Variants in KAZN observed in about 807,000 individuals in gnomAD.
The protein encoded by KAZN is kazrin, periplakin interacting protein, also known as kazrin.
A neutral mutation model predicts 87.4 loss-of-function variants in KAZN; 40 were observed. That is an observed-to-expected ratio of 0.46 (90% CI 0.36 to 0.60). KAZN has a LOEUF of 0.60. Among genes scored for constraint, KAZN ranks in the 20% least tolerant of loss-of-function variants. KAZN has a pLI of 0.00. For synonymous variants in KAZN, 466 were observed against 458.3 expected (o/e 1.02, Z -0.22); for missense variants, 898 against 1,073.9 (o/e 0.84, Z 2.29).
chr1:14,569,320 C>CTTTTTTTTTTTTTTTTTT lies in KAZN; in HGVS notation c.250-29660_250-29643dup, dbSNP rs35144232. Among the ~76,000 whole-genome samples the CTTTTTTTTTTTTTTTTTT allele has an allele frequency of 2.9e-4, 27 of 92,322 alleles. 1 individual carries two copies. Among genetic ancestry groups the CTTTTTTTTTTTTTTTTTT allele is most frequent in the African/African-American group, 1.1e-3 (25 of 22,062 alleles). The allele number at this position is 92,322 out of a possible 152,430, so 60.6% of individuals were successfully genotyped here. On this transcript the variant is annotated intron_variant, in intron 2 of 16. Coordinates refer to the KAZN transcript ENST00000636203. ...TCCTCTACCTCCTCTACTTCCTCTGCTTTTTTTTTTTTTTTTTTTTGAGAC... is the reference window on the plus strand; with the variant it reads ...TCCTCTACCTCCTCTACTTCCTCTGCTTTTTTTTTTTTTTTTTTTTTTTTTTTTTTTTTTTTTTGAGAC...
At chr1:14,554,271 A>AC (rs146192531) in intron 2 of KAZN, among the ~76,000 whole-genome samples, 24,112 of 152,134 alleles carry the variant, frequency 0.16, 3,472 homozygotes, top group African/African-American at 0.38. Context: ...ACCTACAGCC[A>AC]CACAAATACA....
At chr1:14,323,444 T>C (rs555541791) in intron 2 of KAZN, among the ~76,000 whole-genome samples, 1 of 152,196 alleles carries the variant, frequency 6.6e-6, no homozygotes, top group South Asian at 2.1e-4. Context: ...CTTAGCAAAG[T>C]TTCATTTAGG....
intron 1 of KAZN, among the ~76,000 whole-genome samples, chr1:14,722,059 G>A (rs1643137137): frequency 6.6e-6 from 1 of 151,986 alleles, no homozygotes; most frequent in South Asian, 2.1e-4. Flanking sequence ...GGAGGCTGAG[G>A]TAGAATTGCT....
rs1231714611 is a variant in KAZN, at chr1:14,996,017, TAA to T, written c.418+35143_418+35144del. On this transcript the variant is annotated intron_variant, in intron 2 of 14. Coordinates refer to ENST00000376030, the MANE Select transcript of KAZN (RefSeq NM_201628.3). This position sits in a 1 kb window ranked among gnomAD's most constrained non-coding sequence, Gnocchi z 5.9. ...GCTGGACCCAAGGGCGGCTGCCCTA[TAA>T]GACACCTAATGCCATCCTCAGCCCG... is the stretch of plus-strand genomic sequence containing the variant. 6.6e-6 allele frequency among the ~76,000 whole-genome samples: 1 copy of T among 152,162 alleles called. No homozygotes were observed. Among genetic ancestry groups the T allele is most frequent in the Admixed American group, 6.5e-5 (1 of 15,278 alleles).
intron 1 of KAZN, among the ~76,000 whole-genome samples, chr1:13,945,588 G>A (rs1363706771): frequency 6.6e-6 from 1 of 151,488 alleles, no homozygotes; most frequent in African/African-American, 2.4e-5. Context: ...GCAATGAATG[G>A]TAAAACTAAC....
At chr1:14,327,927 T>C (rs1656559226) in intron 2 of KAZN, among the ~76,000 whole-genome samples, 1 of 152,220 alleles carries the variant, frequency 6.6e-6, no homozygotes, top group Admixed American at 6.5e-5. Context: ...TATCTGGAAG[T>C]GAATCTTTCA....
chr1:15,022,168 T>A (rs1670734405), intron 2 of KAZN, among the ~76,000 whole-genome samples: 1 of 152,042 alleles, frequency 6.6e-6, no homozygotes, highest in Non-Finnish European at 1.5e-5. Flanking sequence ...GCTCTCCAGA[T>A]GGCCAGGACG....
intron 2 of KAZN, among the ~76,000 whole-genome samples, chr1:14,495,990 C>T (rs572719789): frequency 3.4e-4 from 52 of 152,126 alleles, no homozygotes; most frequent in Non-Finnish European, 6.5e-4. Context: ...TCTTAATAGT[C>T]CACGACTTTT....
intron 1 of KAZN, among the ~76,000 whole-genome samples, chr1:14,834,827 T>G (rs1047698057): frequency 1.3e-5 from 2 of 152,070 alleles, no homozygotes; most frequent in Non-Finnish European, 2.9e-5. Flanking sequence ...TTAGTATTAG[T>G]ATTAGTATTA....
intron 1 of KAZN, among the ~76,000 whole-genome samples, chr1:14,125,239 C>T (rs551947616): frequency 6.6e-6 from 1 of 152,184 alleles, no homozygotes; most frequent in Non-Finnish European, 1.5e-5. Context: ...CCATCCTCCC[C>T]CTGCCCCTGT....
At chr1:14,788,683 A>C (rs749408175) in intron 1 of KAZN, among the ~76,000 whole-genome samples, 1 of 151,978 alleles carries the variant, frequency 6.6e-6, no homozygotes, top group Non-Finnish European at 1.5e-5. Flanking sequence ...GACCGTGGTG[A>C]CTCTGCTGCT....
chr1:14,377,006 C>T (rs1237427065), intron 2 of KAZN, among the ~76,000 whole-genome samples: 2 of 152,136 alleles, frequency 1.3e-5, no homozygotes, highest in Admixed American at 6.5e-5. Flanking sequence ...ATCAGCCAGA[C>T]ATTTGTATTT....
At chr1:13,894,589 G>A (rs1363647858) in intron 1 of KAZN, among the ~76,000 whole-genome samples, 1 of 152,178 alleles carries the variant, frequency 6.6e-6, no homozygotes, top group South Asian at 2.1e-4. Flanking sequence ...GTTTTCCTGG[G>A]TGTTATAGGG....
At chr1:14,179,107 G>A (rs1170566789) in intron 1 of KAZN, among the ~76,000 whole-genome samples, 1 of 152,146 alleles carries the variant, frequency 6.6e-6, no homozygotes, top group Non-Finnish European at 1.5e-5. Flanking sequence ...TGCTGGTCAT[G>A]TAGAGTTTTA....
intron 1 of KAZN, among the ~76,000 whole-genome samples, chr1:14,767,584 CA>C (rs1449343111): frequency 3.3e-5 from 5 of 152,176 alleles, no homozygotes; most frequent in African/African-American, 7.2e-5. Context: ...ATCCCTAGGT[CA>C]AAGAGCTGGA....
intron 1 of KAZN, among the ~76,000 whole-genome samples, chr1:14,933,415 A>G (rs577667480): frequency 2.3e-4 from 35 of 152,066 alleles, no homozygotes; most frequent in African/African-American, 8.4e-4. Context: ...TTTAACATAC[A>G]GTCCATTCCT....
intron 1 of KAZN, among the ~76,000 whole-genome samples, chr1:13,923,446 G>C (rs958417985): frequency 5.9e-5 from 9 of 151,818 alleles, no homozygotes; most frequent in Non-Finnish European, 1.0e-4. Flanking sequence ...GGTGGCAGGT[G>C]CCTGTAGTCC....
chr1:14,409,640 T>C (rs1401031645), intron 2 of KAZN, among the ~76,000 whole-genome samples: 3 of 152,100 alleles, frequency 2.0e-5, no homozygotes, highest in African/African-American at 7.2e-5. Context: ...GACATGCACC[T>C]TCAACCCAGG....
intron 2 of KAZN, among the ~76,000 whole-genome samples, chr1:14,397,249 A>G (rs61125940): frequency 0.15 from 23,228 of 151,516 alleles, 1,923 homozygotes; most frequent in East Asian, 0.23. Context: ...TGGCTTGAAC[A>G]ATGGAAGTTT....
Sources: gnomAD v4.1 joint callset for allele counts (sites outside exome capture counted in the v4.1 genomes callset) on GRCh38, gnomAD v4.1.1 for gene constraint, Gnocchi (gnomAD v3.1) non-coding constraint, MANE v1.5 for transcripts, NCBI Gene and HGNC (gene_info 2026-07-23, HGNC 2026-07-21) for gene names.